The following L3MBTL4 variants were observed in gnomAD, a reference collection of about 807,000 sequenced individuals.
L3MBTL4 encodes lethal(3)malignant brain tumor-like protein 4.
A neutral mutation model predicts 84.5 loss-of-function variants in L3MBTL4; 70 were observed. That is an observed-to-expected ratio of 0.83 (90% CI 0.68 to 1.01). The LOEUF (loss-of-function observed/expected upper bound fraction) is 1.01. Among genes scored for constraint, L3MBTL4 ranks in the 50% least tolerant of loss-of-function variants. The pLI is 0.00. For missense variants in L3MBTL4, 715 were observed against 754.8 expected (o/e 0.95, Z 0.62); for synonymous variants, 274 against 259.8 (o/e 1.05, Z -0.52).
chr18:6,319,506 T>C (rs1350428469), intron 1 of L3MBTL4, among the ~76,000 whole-genome samples: 1 of 152,114 alleles, frequency 6.6e-6, no homozygotes, highest in East Asian at 1.9e-4. Flanking sequence ...TTAACACCTC[T>C]ATGTACACAA....
At chr18:6,090,790 A>ATTT (rs71370543) in intron 15 of L3MBTL4, among the ~76,000 whole-genome samples, 6,903 of 129,640 alleles carry the variant, frequency 0.053, 336 homozygotes, top group African/African-American at 0.11. Flanking sequence ...ACACCCACCT[A>ATTT]TTTTTTTTTT....
At chr18:6,256,019 T>C (rs1238797276) in intron 5 of L3MBTL4, among the ~76,000 whole-genome samples, 1 of 152,236 alleles carries the variant, frequency 6.6e-6, no homozygotes, top group Non-Finnish European at 1.5e-5. Flanking sequence ...GTCAAGTAAT[T>C]TGGAACCATG....
At chr18:6,024,228 T>TA (rs1029039932) in intron 16 of L3MBTL4, among the ~76,000 whole-genome samples, 5 of 152,156 alleles carry the variant, frequency 3.3e-5, no homozygotes, top group African/African-American at 7.2e-5. Flanking sequence ...TACCCTCACT[T>TA]ACGCATTTTG....
At chr18:6,014,678 G>C (rs1179776909) in intron 16 of L3MBTL4, among the ~76,000 whole-genome samples, 1 of 152,190 alleles carries the variant, frequency 6.6e-6, no homozygotes, top group Non-Finnish European at 1.5e-5. Flanking sequence ...GCAGGAAGCA[G>C]AGGAGATGGT....
At chr18:6,215,692 G>A in intron 11 of L3MBTL4, 58 bp downstream of exon 11, 11 of 877,488 alleles carry the variant, frequency 1.3e-5, no homozygotes, top group Non-Finnish European at 1.9e-5. Context: ...CCAAATGTAG[G>A]CATGACTCAA....
At chr18:6,022,995 G>A (rs2055339718) in intron 16 of L3MBTL4, among the ~76,000 whole-genome samples, 1 of 152,088 alleles carries the variant, frequency 6.6e-6, no homozygotes, top group Admixed American at 6.5e-5. Context: ...TTAGGCCTCT[G>A]GTTACTCACT....
chr18:6,321,748 C>A (rs1159102512), intron 1 of L3MBTL4, among the ~76,000 whole-genome samples: 4 of 152,038 alleles, frequency 2.6e-5, no homozygotes, highest in Non-Finnish European at 2.9e-5. Context: ...TCTTTTGCAG[C>A]AACTTGGATG....
In L3MBTL4 at chr18:6,195,393, C is replaced by T. The variant is rs148041037; in HGVS notation, c.981+17756G>A. ...TGGGCTAATATCCCACTACTAGGTA[C>T]TTGATTACTTGCCTGTAACTGCTGA... On this transcript the variant is annotated intron_variant, in intron 12 of 18. Transcript: ENST00000317931. Among the ~76,000 whole-genome samples, 146 of 152,336 alleles carry T rather than the reference C, an allele frequency of 9.6e-4. 1 individual carries two copies. The highest frequency in any genetic ancestry group is 3.4e-3 in the African/African-American group (140 of 41,572).
At chr18:6,269,146 G>A (rs533694658) in intron 4 of L3MBTL4, among the ~76,000 whole-genome samples, 3 of 152,296 alleles carry the variant, frequency 2.0e-5, no homozygotes, top group South Asian at 4.1e-4. Flanking sequence ...CTCATGGATG[G>A]TGGCTTTGTA....
At chr18:6,229,064 A>G (rs1331933554) in intron 10 of L3MBTL4, among the ~76,000 whole-genome samples, 2 of 152,226 alleles carry the variant, frequency 1.3e-5, no homozygotes, top group Non-Finnish European at 2.9e-5. Flanking sequence ...AAAAATTTTC[A>G]TACTTATAAT....
chr18:6,034,221 T>C (rs1234614294), intron 16 of L3MBTL4, among the ~76,000 whole-genome samples: 2 of 152,158 alleles, frequency 1.3e-5, no homozygotes, highest in African/African-American at 4.8e-5. Context: ...TATGTATACA[T>C]GTGCCATGCT....
intron 15 of L3MBTL4, among the ~76,000 whole-genome samples, chr18:6,081,515 A>G (rs1289920237): frequency 1.3e-5 from 2 of 152,216 alleles, no homozygotes; most frequent in African/African-American, 4.8e-5. Context: ...AGTTTCTACA[A>G]TAAAACTTTT....
intron 16 of L3MBTL4, among the ~76,000 whole-genome samples, chr18:5,973,444 T>C (rs1422385511): frequency 6.6e-6 from 1 of 152,248 alleles, no homozygotes; most frequent in Admixed American, 6.5e-5. Flanking sequence ...TGATTTGCAT[T>C]ATTTTAAATT....
intron 16 of L3MBTL4, among the ~76,000 whole-genome samples, chr18:6,032,997 G>A (rs761147440): frequency 3.9e-5 from 6 of 152,110 alleles, no homozygotes; most frequent in Non-Finnish European, 5.9e-5. Flanking sequence ...ACTGTATGCC[G>A]CTGTTGGGTA....
At chr18:6,384,689 C>T (rs1599860595) in intron 1 of L3MBTL4, among the ~76,000 whole-genome samples, 1 of 152,196 alleles carries the variant, frequency 6.6e-6, no homozygotes, top group South Asian at 2.1e-4. Flanking sequence ...TGACTTGCTT[C>T]TTCTCCTGAA....
Position 5,967,776 on chromosome 18 carries a change from G to A in L3MBTL4, c.1614+1617C>T, listed in dbSNP as rs549240649. ...GGCAGTGGGCAGAGTGGGAGAAGGCGGGACTGTTTGAGTGTAAGAACAGGC... is the reference window on the plus strand; with the variant it reads ...GGCAGTGGGCAGAGTGGGAGAAGGCAGGACTGTTTGAGTGTAAGAACAGGC... On this transcript the variant is annotated intron_variant, in intron 17 of 18. Coordinates refer to ENST00000317931, the MANE Select transcript of L3MBTL4 (RefSeq NM_001330559.2). 1.2e-3 allele frequency among the ~76,000 whole-genome samples: 185 copies of A among 152,336 alleles called. 1 individual carries two copies. The highest frequency in any genetic ancestry group is 4.0e-3 in the African/African-American group (165 of 41,578).
At chr18:6,039,933 A>G (rs923407252) in intron 16 of L3MBTL4, among the ~76,000 whole-genome samples, 1 of 152,244 alleles carries the variant, frequency 6.6e-6, no homozygotes, top group Non-Finnish European at 1.5e-5. Context: ...TCATTAGCTT[A>G]AGTAATATGA....
At chr18:6,306,885 C>A (rs1482175698) in intron 3 of L3MBTL4, among the ~76,000 whole-genome samples, 1 of 152,194 alleles carries the variant, frequency 6.6e-6, no homozygotes, top group African/African-American at 2.4e-5. Context: ...AGCAGCACAG[C>A]TAAAGAATAA....
chr18:6,105,561 G>A (rs2058976681), intron 14 of L3MBTL4, among the ~76,000 whole-genome samples: 1 of 151,684 alleles, frequency 6.6e-6, no homozygotes, highest in Non-Finnish European at 1.5e-5. Context: ...CACTTTGGGA[G>A]GCCAAGGCAG....
Sources: gnomAD v4.1 joint callset for allele counts (sites outside exome capture counted in the v4.1 genomes callset) on GRCh38, gnomAD v4.1.1 for gene constraint, MANE v1.5 for transcripts, NCBI Gene and HGNC (gene_info 2026-07-23, HGNC 2026-07-21) for gene names.